Variants in DOCK5 observed in about 807,000 individuals in gnomAD.
DOCK5 encodes dedicator of cytokinesis protein 5.
In DOCK5, 142 loss-of-function variants were observed where a neutral mutation model predicts 251.8. That is an observed-to-expected ratio of 0.56 (90% CI 0.49 to 0.65). The LOEUF (loss-of-function observed/expected upper bound fraction) is 0.65, where lower values mean the gene tolerates loss of function less well. Among genes scored for constraint, DOCK5 ranks in the 30% least tolerant of loss-of-function variants. The pLI is 0.00. For synonymous variants in DOCK5, 842 were observed against 835.5 expected (o/e 1.01, Z -0.13); for missense variants, 2,111 against 2,312.3 (o/e 0.91, Z 1.79).
At chr8:25,243,846 A>C in intron 2 of DOCK5, 89 bp downstream of exon 2, 1 of 1,214,930 alleles carries the variant, frequency 8.2e-7, no homozygotes. Context: ...AAACATCAAC[A>C]TGCTTGACTT....
intron 44 of DOCK5, among the ~76,000 whole-genome samples, chr8:25,393,265 C>T (rs897358576): frequency 6.6e-6 from 1 of 152,182 alleles, no homozygotes; most frequent in Non-Finnish European, 1.5e-5. Context: ...CCCTAGACTC[C>T]TCCCTCTTCA....
intron 30 of DOCK5, 194 bp downstream of exon 30, chr8:25,364,898 T>G: frequency 2.1e-6 from 1 of 470,008 alleles, no homozygotes; most frequent in Non-Finnish European, 3.8e-6. Flanking sequence ...GGTTTCTTCT[T>G]TCTATAAAGG....
At chr8:25,239,331 G>GTGTGTGTA (rs1554521875) in intron 1 of DOCK5, among the ~76,000 whole-genome samples, 8 of 129,774 alleles carry the variant, frequency 6.2e-5, no homozygotes, top group African/African-American at 2.7e-4. Context: ...GTGTGTGTGT[G>GTGTGTGTA]TGTGTGTGTA....
Position 25,212,325 on chromosome 8 carries a change from C to T in DOCK5, c.43+27374C>T, listed in dbSNP as rs778795901. ...CATCTGTATAGCCTTGTTCAGGAAA[C>T]ATTTTGTTCTTGACTTTGGCTTGTG... On this transcript the variant is annotated intron_variant, in intron 1 of 51. Coordinates refer to ENST00000276440, the MANE Select transcript of DOCK5 (RefSeq NM_024940.8). 5.7e-5 allele frequency among the ~76,000 whole-genome samples: 4 copies of T among 70,112 alleles called. 2 individuals carry two copies. Among genetic ancestry groups the T allele is most frequent in the East Asian group, 6.3e-4 (2 of 3,170 alleles). 46.0% of individuals were successfully genotyped at this position (70,112 alleles called of 152,430 possible).
intron 28 of DOCK5, among the ~76,000 whole-genome samples, chr8:25,360,269 C>T (rs149253635): frequency 6.6e-6 from 1 of 152,220 alleles, no homozygotes; most frequent in African/African-American, 2.4e-5. Flanking sequence ...TTAGTTGGTT[C>T]CATGGTGGAC....
At chr8:25,407,497 T>C (rs886630769) in intron 48 of DOCK5, among the ~76,000 whole-genome samples, 4 of 152,230 alleles carry the variant, frequency 2.6e-5, no homozygotes, top group African/African-American at 9.6e-5. Context: ...CTTGTTTCTG[T>C]ACATTAACAC....
intron 5 of DOCK5, among the ~76,000 whole-genome samples, chr8:25,287,434 G>A (rs1038161121): frequency 2.0e-5 from 3 of 151,924 alleles, no homozygotes; most frequent in Non-Finnish European, 4.4e-5. Context: ...AAAAAAAAAA[G>A]TTATAAATAT....
At chr8:25,400,311 C>G (rs1222024652) in intron 46 of DOCK5, among the ~76,000 whole-genome samples, 1 of 151,712 alleles carries the variant, frequency 6.6e-6, no homozygotes, top group Non-Finnish European at 1.5e-5. Flanking sequence ...CCAGCCTGGC[C>G]AACATGGTGA....
intron 5 of DOCK5, among the ~76,000 whole-genome samples, chr8:25,290,515 T>G (rs1443888875): frequency 2.0e-5 from 3 of 152,210 alleles, no homozygotes; most frequent in Non-Finnish European, 4.4e-5. Context: ...TTTAGTTTGG[T>G]TACAGTAAGT....
chr8:25,400,917 C>T lies in DOCK5; in HGVS notation c.4789-12C>T. On this transcript the variant is annotated splice_polypyrimidine_tract_variant and intron_variant, in intron 46 of 51. Coordinates refer to ENST00000276440, the MANE Select transcript of DOCK5 (RefSeq NM_024940.8). ...GAAGCACACTGCACTCATTTTTTGC[C>T]CTTCTTTCCAGATGCCCCTGCTAAC... 1 of 1,609,360 alleles carries T rather than the reference C, an allele frequency of 6.2e-7. No individual in the cohort carries two copies. The highest frequency in any genetic ancestry group is 1.1e-5 in the South Asian group (1 of 90,160).
At chr8:25,258,861 G>T (rs1043342208) in intron 2 of DOCK5, among the ~76,000 whole-genome samples, 2 of 152,228 alleles carry the variant, frequency 1.3e-5, no homozygotes, top group African/African-American at 4.8e-5. Context: ...GCTCACGCTT[G>T]TAATCCCAGC....
At chr8:25,382,243 C>T (rs1172907974) in intron 39 of DOCK5, among the ~76,000 whole-genome samples, 1 of 152,140 alleles carries the variant, frequency 6.6e-6, no homozygotes, top group Non-Finnish European at 1.5e-5. Flanking sequence ...TCCCAATGTG[C>T]AAGGATTATA....
At chr8:25,402,376 A>T (rs1801453696) in intron 47 of DOCK5, among the ~76,000 whole-genome samples, 1 of 151,924 alleles carries the variant, frequency 6.6e-6, no homozygotes, top group Non-Finnish European at 1.5e-5. Flanking sequence ...AGCTCACTGC[A>T]AGCTCTGCCT....
At chr8:25,337,195 T>A (rs115495727) in intron 22 of DOCK5, among the ~76,000 whole-genome samples, 2,492 of 152,232 alleles carry the variant, frequency 0.016, 78 homozygotes, top group African/African-American at 0.054. Flanking sequence ...ATAAACTTTT[T>A]AAAAAATTTC....
chr8:25,285,154 T>A (rs116709470), intron 5 of DOCK5, among the ~76,000 whole-genome samples: 1,841 of 142,340 alleles, frequency 0.013, 35 homozygotes, highest in African/African-American at 0.047. Flanking sequence ...TATTATTATT[T>A]TTTTTTTTGA....
chr8:25,395,776 C>T (rs753255226), intron 45 of DOCK5, 57 bp downstream of exon 45: 1 of 1,556,780 alleles, frequency 6.4e-7, no homozygotes, highest in South Asian at 1.1e-5. Flanking sequence ...CTGTGTGCCT[C>T]CCTCTGTGCC....
chr8:25,273,474 A>C (rs1176366502), intron 3 of DOCK5, among the ~76,000 whole-genome samples: 2 of 152,190 alleles, frequency 1.3e-5, no homozygotes, highest in East Asian at 3.9e-4. Flanking sequence ...ATGGTGGTGC[A>C]TACCTGTAAT....
intron 48 of DOCK5, among the ~76,000 whole-genome samples, chr8:25,404,590 T>G (rs1801492950): frequency 6.6e-6 from 1 of 152,216 alleles, no homozygotes; most frequent in South Asian, 2.1e-4. Flanking sequence ...ATTTTGGGAT[T>G]GGGGATATTC....
chr8:25,324,251 C>T (rs988005997), intron 17 of DOCK5, among the ~76,000 whole-genome samples: 3 of 152,132 alleles, frequency 2.0e-5, no homozygotes, highest in African/African-American at 7.2e-5. Flanking sequence ...AGGGGTCGGC[C>T]TCTCATGATC....
Sources: allele counts gnomAD v4.1 joint callset (sites outside exome capture counted in the v4.1 genomes callset), GRCh38; gene constraint gnomAD v4.1.1; transcripts MANE v1.5; gene names NCBI Gene and HGNC (gene_info 2026-07-23, HGNC 2026-07-21).